SYT5: variants seen among roughly 807,000 people sequenced by gnomAD.
SYT5 encodes the protein synaptotagmin 5.
Under a neutral mutation model 36.0 loss-of-function variants are expected in SYT5, and 29 were observed. The ratio of observed to expected loss-of-function variants is 0.81; its 90% CI spans 0.60 to 1.10. SYT5 has a LOEUF of 1.10. Ranked by LOEUF, SYT5 falls within the 50% of genes least tolerant of loss-of-function variation. The probability of loss-of-function intolerance (pLI) is 0.00; values close to 1 mark genes in which losing one functional copy is unlikely to be tolerated. For missense variants in SYT5, 512 were observed against 516.0 expected (o/e 0.99, Z 0.08); for synonymous variants, 231 against 227.6 (o/e 1.02, Z -0.14).
At position 55,179,278 on chromosome 19, in the gene SYT5, T is replaced by C. The variant is rs1048554281; in HGVS notation, c.-45-192A>G. 1.4e-6 allele frequency: 2 copies of C among 1,381,374 alleles called. No homozygotes were observed. Among genetic ancestry groups the C allele is most frequent in the Non-Finnish European group, 1.9e-6 (2 of 1,066,816 alleles). The allele number at this position is 1,381,374 out of a possible 1,614,324, so 85.6% of individuals were successfully genotyped here. ...AGGACCTAGTTCCATCCTAAAGGGA[T>C]ACCCTCTTCCTCCACGGCCCCACAG... On this transcript the variant is annotated intron_variant, in intron 1 of 8. Coordinates refer to ENST00000354308, the MANE Select transcript of SYT5 (RefSeq NM_003180.3). This position sits in a 1 kb window ranked among gnomAD's most constrained non-coding sequence, Gnocchi z 4.5.
rs925834451 is a variant in SYT5, at chr19:55,173,289, T to C, written c.*195A>G. ...GGTGTGTCCGCGAGGGTCGGGGGAGTGTGCTGGAAAGTTGTCGTGATTGGC... is the reference window on the plus strand; with the variant it reads ...GGTGTGTCCGCGAGGGTCGGGGGAGCGTGCTGGAAAGTTGTCGTGATTGGC... On this transcript the variant is annotated 3_prime_UTR_variant, in exon 9 of 9. Coordinates refer to ENST00000354308, the MANE Select transcript of SYT5 (RefSeq NM_003180.3). This position sits in a 1 kb window ranked among gnomAD's most constrained non-coding sequence, Gnocchi z 5.4. 7 of 429,638 alleles carry C rather than the reference T, an allele frequency of 1.6e-5. No individual in the cohort carries two copies. The highest frequency in any genetic ancestry group is 1.1e-4 in the African/African-American group (5 of 44,918). 26.6% of individuals were successfully genotyped at this position (429,638 alleles called of 1,614,324 possible).
chr19:55,175,748 C>T lies in SYT5; in HGVS notation c.501G>A (p.Gln167=), dbSNP rs771285075. ...TCTCCCCAAAGTGAGGGTTCAGCGT[C>T]TGCCGATGCACCTTGGTCTCGTACC... The part of the protein sequence containing the change: ...RRRYETKVHR[Q]TLNPHFGETF... Residue 167 remains glutamine (Q), a synonymous_variant, in exon 5 of 9, where the codon CAG becomes CAA. Coordinates refer to ENST00000354308, the MANE Select transcript of SYT5 (RefSeq NM_003180.3). This position sits in a 1 kb window ranked among gnomAD's most constrained non-coding sequence, Gnocchi z 4.5. The T allele has an allele frequency of 1.2e-6, 2 of 1,614,140 alleles. No individual in the cohort carries two copies. Among genetic ancestry groups the T allele is most frequent in the Non-Finnish European group, 1.7e-6 (2 of 1,180,024 alleles).
chr19:55,174,874 CCA>C lies in SYT5; in HGVS notation c.826+6_826+7del. ...CCCACACACCCCACTCCCTTGCTTC[CCA>C]CACACCTGACAGTCCTCCTACGTCC... On this transcript the variant is annotated splice_donor_region_variant and intron_variant, in intron 7 of 8. Transcript: ENST00000354308. 1 of 1,613,894 alleles carries C rather than the reference CCA, an allele frequency of 6.2e-7. No homozygotes were observed. The highest frequency in any genetic ancestry group is 2.2e-5 in the East Asian group (1 of 44,876).
intron 3 of SYT5, among the ~76,000 whole-genome samples, 190 bp downstream of exon 3, chr19:55,178,006 G>A (rs1003681498): frequency 1.2e-4 from 18 of 152,206 alleles, no homozygotes; most frequent in African/African-American, 4.3e-4. Flanking sequence ...GGAAGTTCTT[G>A]GGAATAGCAA....
rs3810353 is a variant in SYT5, at chr19:55,180,232, C to G, written c.-161G>C. The G allele has an allele frequency of 0.12, 18,200 of 152,418 alleles. 1,567 individuals are homozygous for G. Among genetic ancestry groups the G allele is most frequent in the Admixed American group, 0.28 (4,316 of 15,298 alleles). 9.4% of individuals were successfully genotyped at this position (152,418 alleles called of 1,614,324 possible). On this transcript the variant is annotated 5_prime_UTR_variant, in exon 1 of 9. Transcript: ENST00000354308. The stretch of plus-strand genomic sequence containing the variant: ...TCCCGGGTGCTGATCGCGGAGCTCT[C>G]CGGGGCGGGGGAGCCGCGGAGCGGA...
At chr19:55,178,922 C>G (rs751658816) in intron 2 of SYT5, 41 bp downstream of exon 2, 2 of 1,440,988 alleles carry the variant, frequency 1.4e-6, no homozygotes, top group Non-Finnish European at 1.8e-6. Flanking sequence ...CCTGGCCAGG[C>G]TTTCTCTCTG....
intron 7 of SYT5, 92 bp downstream of exon 7, chr19:55,174,790 C>A: frequency 6.4e-7 from 1 of 1,572,120 alleles, no homozygotes; most frequent in Non-Finnish European, 8.7e-7. Flanking sequence ...TCCTCCCTGT[C>A]CCCGAAGAAA....
Position 55,175,910 on chromosome 19 carries a change from A to G in SYT5, c.373-34T>C. 1.2e-6 allele frequency: 2 copies of G among 1,613,474 alleles called. No homozygotes were observed. Among genetic ancestry groups the G allele is most frequent in the Non-Finnish European group, 1.7e-6 (2 of 1,179,608 alleles). On this transcript the variant is annotated intron_variant, in intron 4 of 8. Transcript: ENST00000354308. The surrounding 1 kb of genome is among the most constrained non-coding windows in gnomAD (Gnocchi z 4.5). ...CCCAGGCACAGTGGGGGAGGTGGGG[A>G]ACACTAGTCTTAGCCTCCCTTCCAT...
chr19:55,175,903 G>A lies in SYT5; in HGVS notation c.373-27C>T. On this transcript the variant is annotated intron_variant, in intron 4 of 8. Coordinates refer to ENST00000354308, the MANE Select transcript of SYT5 (RefSeq NM_003180.3). This position sits in a 1 kb window ranked among gnomAD's most constrained non-coding sequence, Gnocchi z 4.5. ...TGCAGGGCCCAGGCACAGTGGGGGA[G>A]GTGGGGAACACTAGTCTTAGCCTCC... The A allele has an allele frequency of 6.2e-7, 1 of 1,613,844 alleles. No homozygotes were observed. The highest frequency in any genetic ancestry group is 8.5e-7 in the Non-Finnish European group (1 of 1,179,810).
chr19:55,178,979 G>A lies in SYT5; in HGVS notation c.63C>T (p.Arg21=), dbSNP rs927695520. ...CTTGCTCACCTGGGCCGTGGCTGAT[G>A]CGACTGGAGTCGGGAGGCGTGTCGG... ...PSPDTPPDSS[R]ISHGPVPPWA... Residue 21 remains arginine, a synonymous_variant, in exon 2 of 9, where the codon CGC becomes CGT. Transcript: ENST00000354308. The A allele has an allele frequency of 6.4e-7, 1 of 1,571,490 alleles. No homozygotes were observed. Among genetic ancestry groups the A allele is most frequent in the Non-Finnish European group, 8.6e-7 (1 of 1,159,078 alleles).
In SYT5 at chr19:55,176,125, CTTAAGGAGCCAGGG is replaced by C; in HGVS notation, c.253-15_253-2del. The C allele has an allele frequency of 6.2e-7, 1 of 1,614,020 alleles. No homozygotes were observed. Among genetic ancestry groups the C allele is most frequent in the Non-Finnish European group, 8.5e-7 (1 of 1,180,026 alleles). ...CCAGCTCCTCTACTTCTGGCTGCAC[CTTAAGGAGCCAGGG>C]GTAAGGGTGGGTGAAGTCTTCCCCT... On this transcript the variant is annotated splice_acceptor_variant and splice_polypyrimidine_tract_variant and intron_variant, in intron 3 of 8. Transcript: ENST00000354308. LOFTEE classifies it high-confidence loss of function.
In SYT5 at chr19:55,175,959, A is replaced by G; in HGVS notation, c.372+46T>C. ...ATGGCTCCTTTCAGAAGGGGTTGGA[A>G]CCCCCGGGATCCTCCCTCCAAAGCT... is the stretch of plus-strand genomic sequence containing the variant. On this transcript the variant is annotated intron_variant, in intron 4 of 8. Coordinates refer to ENST00000354308, the MANE Select transcript of SYT5 (RefSeq NM_003180.3). The surrounding 1 kb of genome is among the most constrained non-coding windows in gnomAD (Gnocchi z 4.5). 6.2e-7 allele frequency: 1 copy of G among 1,612,896 alleles called. No individual in the cohort carries two copies. The highest frequency in any genetic ancestry group is 2.2e-5 in the East Asian group (1 of 44,860).
At position 55,175,787 on chromosome 19, in the gene SYT5, C is replaced by T. The variant is rs78192967; in HGVS notation, c.462G>A (p.Pro154=). The T allele has an allele frequency of 6.2e-4, 1,001 of 1,614,158 alleles. 8 individuals are homozygous for T. The African/African-American group carries it at 0.012, about 19-fold the overall frequency. ...SDPYVRVYLL[P]DKRRRYETKV... is the part of the protein sequence containing the mutation. Reference sequence around the variant, plus strand: ...TGGTCTCGTACCGCCTCCGTTTGTCCGGCAGCAGGTAGACCCGCACATAGG... The same window carrying T: ...TGGTCTCGTACCGCCTCCGTTTGTCTGGCAGCAGGTAGACCCGCACATAGG... Residue 154 remains proline, a synonymous_variant, in exon 5 of 9, where the codon CCG becomes CCA. Coordinates refer to ENST00000354308, the MANE Select transcript of SYT5 (RefSeq NM_003180.3). The surrounding 1 kb of genome is among the most constrained non-coding windows in gnomAD (Gnocchi z 4.5).
Position 55,175,820 on chromosome 19 carries a change from G to A in SYT5, c.429C>T (p.Ser143=). ...MGLAALDLGG[S]SDPYVRVYLL... ...GGTAGACCCGCACATAGGGGTCCGA[G>A]GAGCCACCAAGATCCAAGGCTGCCA... The change falls in exon 5 of 9, where the codon TCC becomes TCT. Residue 143 remains serine, a synonymous_variant. Transcript: ENST00000354308. This position sits in a 1 kb window ranked among gnomAD's most constrained non-coding sequence, Gnocchi z 4.5. 1.2e-6 allele frequency: 2 copies of A among 1,614,180 alleles called. No homozygotes were observed. The highest frequency in any genetic ancestry group is 1.7e-6 in the Non-Finnish European group (2 of 1,180,038).
chr19:55,179,929 C>A lies in SYT5; in HGVS notation c.-46+188G>T. 1 of 152,994 alleles carries A rather than the reference C, an allele frequency of 6.5e-6. No homozygotes were observed. 9.5% of individuals were successfully genotyped at this position (152,994 alleles called of 1,614,324 possible). A position where few individuals can be genotyped will look rare whatever the true frequency, so the allele number is the denominator to read the frequency against. ...CTCCCTCTCCCCTCCGCCTGCGCCC[C>A]ACTCCCCGCCCTCGGCTCTTTGTCT... is the stretch of plus-strand genomic sequence containing the variant. On this transcript the variant is annotated intron_variant, in intron 1 of 8. Transcript: ENST00000354308. This position sits in a 1 kb window ranked among gnomAD's most constrained non-coding sequence, Gnocchi z 4.5.
Position 55,172,101 on chromosome 19 carries a change from G to A in SYT5, c.*1383C>T, listed in dbSNP as rs1173107635. 6.6e-6 allele frequency: 1 copy of A among 151,706 alleles called. No individual in the cohort carries two copies. The highest frequency in any genetic ancestry group is 1.5e-5 in the Non-Finnish European group (1 of 68,024). The allele number at this position is 151,706 out of a possible 1,614,324, so 9.4% of individuals were successfully genotyped here. On this transcript the variant is annotated 3_prime_UTR_variant, in exon 9 of 9. Transcript: ENST00000354308. Reference sequence around the variant, plus strand: ...GTCTCAAAATTAAAAAAAAGAAGAAGAGAAGAAAAGAAATAGAAAAGAAAA... The same window carrying A: ...GTCTCAAAATTAAAAAAAAGAAGAAAAGAAGAAAAGAAATAGAAAAGAAAA...
chr19:55,175,220 C>A lies in SYT5; in HGVS notation c.660G>T (p.Gly220=). Residue 220 remains glycine, a synonymous_variant, in exon 6 of 9, where the codon GGG becomes GGT. Transcript: ENST00000354308. This position sits in a 1 kb window ranked among gnomAD's most constrained non-coding sequence, Gnocchi z 4.5. ...GCTCCCGCCAGGCCTGCACTGGCCG[C>A]CCCAGGTCCACGGAGCTCATAGGGA... ...VRVPMSSVDL[G]RPVQAWRELQ... is the part of the protein sequence containing the mutation. The A allele has an allele frequency of 6.2e-7, 1 of 1,611,062 alleles. No individual in the cohort carries two copies.
In SYT5 at chr19:55,177,721, G is replaced by A. The variant is rs73066665; in HGVS notation, c.252+475C>T. On this transcript the variant is annotated intron_variant, in intron 3 of 8. Transcript: ENST00000354308. ...GGGATTATACCACACCACCATGGCT[G>A]GCTTTTGTATTTTTAGTAGAGACAG... Among the ~76,000 whole-genome samples the A allele has an allele frequency of 3.8e-3, 574 of 152,162 alleles. 4 individuals are homozygous for A. Among genetic ancestry groups the A allele is most frequent in the Non-Finnish European group, 3.7e-3 (252 of 67,994 alleles).
At chr19:55,177,364 C>T (rs575432787) in intron 3 of SYT5, 2 of 152,334 alleles carry the variant, frequency 1.3e-5, no homozygotes, top group South Asian at 4.1e-4. Flanking sequence ...CATGCTCCAA[C>T]TTGGACTAGA....
Sources: gnomAD v4.1 joint callset for allele counts (sites outside exome capture counted in the v4.1 genomes callset) on GRCh38, gnomAD v4.1.1 for gene constraint, Gnocchi (gnomAD v3.1) non-coding constraint, MANE v1.5 for transcripts, NCBI Gene and HGNC (gene_info 2026-07-23, HGNC 2026-07-21) for gene names.